DPP10: variants seen among roughly 807,000 people sequenced by gnomAD.
DPP10 encodes the protein inactive dipeptidyl peptidase 10.
A neutral mutation model predicts 120.9 loss-of-function variants in DPP10; 33 were observed. The ratio of observed to expected loss-of-function variants is 0.27; its 90% CI spans 0.21 to 0.37. The LOEUF is 0.37. Among genes scored for constraint, DPP10 ranks in the 10% least tolerant of loss-of-function variants. The pLI, the probability that DPP10 is intolerant of heterozygous loss-of-function variation, is 1.00. For synonymous variants in DPP10, 337 were observed against 326.1 expected (o/e 1.03, Z -0.36); for missense variants, 816 against 942.8 (o/e 0.87, Z 1.76).
intron 1 of DPP10, among the ~76,000 whole-genome samples, chr2:114,935,052 A>C (rs1355742726): frequency 6.6e-6 from 1 of 152,126 alleles, no homozygotes; most frequent in Non-Finnish European, 1.5e-5. Context: ...AATGAGGTAA[A>C]TCTACTCCAT....
intron 1 of DPP10, among the ~76,000 whole-genome samples, chr2:114,493,054 T>C (rs901910918): frequency 3.9e-5 from 6 of 152,140 alleles, no homozygotes; most frequent in African/African-American, 1.4e-4. Context: ...CAGTTTGTAG[T>C]GCCAAGTAGA....
At chr2:114,538,563 G>C (rs946144051) in intron 1 of DPP10, among the ~76,000 whole-genome samples, 1 of 152,136 alleles carries the variant, frequency 6.6e-6, no homozygotes, top group African/African-American at 2.4e-5. Flanking sequence ...TTGTGTATCT[G>C]TTGCTCTATT....
intron 1 of DPP10, among the ~76,000 whole-genome samples, chr2:114,561,065 C>T (rs1239124084): frequency 6.6e-6 from 1 of 152,152 alleles, no homozygotes; most frequent in Non-Finnish European, 1.5e-5. Flanking sequence ...TTTCTCCTGC[C>T]TGGGTGTCTC....
intron 1 of DPP10, among the ~76,000 whole-genome samples, chr2:114,716,490 CTG>C (rs1252473086): frequency 6.6e-6 from 1 of 152,166 alleles, no homozygotes; most frequent in African/African-American, 2.4e-5. Context: ...ATATACCAAA[CTG>C]TACACAGGAA....
intron 5 of DPP10, among the ~76,000 whole-genome samples, chr2:115,633,166 G>A (rs2086028035): frequency 6.6e-6 from 1 of 152,142 alleles, no homozygotes; most frequent in African/African-American, 2.4e-5. Context: ...CAATAGCAAA[G>A]ACTTGGAACC....
At chr2:114,482,225 G>A (rs1052373582) in intron 1 of DPP10, among the ~76,000 whole-genome samples, 7 of 152,120 alleles carry the variant, frequency 4.6e-5, no homozygotes, top group Admixed American at 1.3e-4. Context: ...AAATGCCAAT[G>A]TTTTAGAAAT....
chr2:115,287,826 AACTACAAAAC>A (rs2060466571), intron 1 of DPP10, among the ~76,000 whole-genome samples: 1 of 152,142 alleles, frequency 6.6e-6, no homozygotes, highest in Non-Finnish European at 1.5e-5. Context: ...CTACAAGAAG[AACTACAAAAC>A]ACTGATGAAA....
intron 3 of DPP10, among the ~76,000 whole-genome samples, chr2:115,391,860 T>G (rs1219718355): frequency 8.5e-5 from 13 of 152,122 alleles, no homozygotes; most frequent in Non-Finnish European, 1.5e-4. Flanking sequence ...TCCAGTTCAC[T>G]TCTTTGTTTG....
At chr2:114,557,883 G>A (rs1461061670) in intron 1 of DPP10, among the ~76,000 whole-genome samples, 4 of 152,152 alleles carry the variant, frequency 2.6e-5, no homozygotes, top group Admixed American at 1.3e-4. Flanking sequence ...TCACAGAGTT[G>A]TTGACATGGG....
At chr2:115,533,507 A>T (rs917040267) in intron 5 of DPP10, among the ~76,000 whole-genome samples, 1 of 152,070 alleles carries the variant, frequency 6.6e-6, no homozygotes, top group Non-Finnish European at 1.5e-5. Context: ...TAATCCTGTA[A>T]AATGCATCCT....
intron 1 of DPP10, among the ~76,000 whole-genome samples, chr2:115,160,526 GC>G (rs2052230500): frequency 6.6e-6 from 1 of 152,084 alleles, no homozygotes; most frequent in South Asian, 2.1e-4. Context: ...CCAACTCACT[GC>G]CACCCCACTG....
intron 4 of DPP10, among the ~76,000 whole-genome samples, chr2:115,505,461 G>A (rs2076892008): frequency 6.6e-6 from 1 of 152,044 alleles, no homozygotes; most frequent in Admixed American, 6.6e-5. Context: ...CTTTGGAGCT[G>A]GAGGTGTCAG....
intron 1 of DPP10, among the ~76,000 whole-genome samples, chr2:114,595,030 G>A (rs1385309302): frequency 6.6e-6 from 1 of 152,004 alleles, no homozygotes; most frequent in Non-Finnish European, 1.5e-5. Context: ...AAAAAAACAT[G>A]TTGGCCTCTC....
intron 1 of DPP10, among the ~76,000 whole-genome samples, chr2:114,633,042 G>T (rs1695049842): frequency 1.3e-5 from 2 of 151,738 alleles, no homozygotes; most frequent in South Asian, 4.2e-4. Flanking sequence ...TCTTTTCATG[G>T]GCAATCATAT....
chr2:114,771,416 TTCA>T (rs1345494998), intron 1 of DPP10, among the ~76,000 whole-genome samples: 1 of 152,186 alleles, frequency 6.6e-6, no homozygotes, highest in Non-Finnish European at 1.5e-5. Flanking sequence ...ACCAACCAGA[TTCA>T]TCATCTGCTT....
chr2:114,823,312 C>G (rs115898965), intron 1 of DPP10, among the ~76,000 whole-genome samples: 4,505 of 152,158 alleles, frequency 0.03, 230 homozygotes, highest in African/African-American at 0.1. Context: ...CATGAAAACT[C>G]TGTCATGAGA....
chr2:115,575,440 TA>T (rs1268893657), intron 5 of DPP10, among the ~76,000 whole-genome samples: 2 of 152,190 alleles, frequency 1.3e-5, no homozygotes, highest in Non-Finnish European at 2.9e-5. Flanking sequence ...TGGAGCAGCC[TA>T]GGGGGGCCCC....
intron 1 of DPP10, among the ~76,000 whole-genome samples, chr2:115,191,582 A>T (rs2054885884): frequency 6.6e-6 from 1 of 152,154 alleles, no homozygotes. Context: ...AGAGAGTTAC[A>T]TTTTTCTTAG....
At chr2:115,467,507 G>A (rs2074404217) in intron 3 of DPP10, among the ~76,000 whole-genome samples, 1 of 150,916 alleles carries the variant, frequency 6.6e-6, no homozygotes, top group Non-Finnish European at 1.5e-5. Flanking sequence ...AACCCGGGAG[G>A]CAGAGGTTGC....
Sources: allele counts gnomAD v4.1 joint callset (sites outside exome capture counted in the v4.1 genomes callset), GRCh38; gene constraint gnomAD v4.1.1; transcripts MANE v1.5; gene names NCBI Gene and HGNC (gene_info 2026-07-23, HGNC 2026-07-21).